The following CNTNAP5 variants were observed in gnomAD, a reference collection of about 807,000 sequenced individuals.
CNTNAP5 encodes contactin associated protein family member 5, also known as contactin-associated protein-like 5.
In CNTNAP5, 72 loss-of-function variants were observed where a neutral mutation model predicts 150.2. The ratio of observed to expected loss-of-function variants is 0.48; its 90% CI spans 0.40 to 0.58. The LOEUF is 0.58. Among genes scored for constraint, CNTNAP5 ranks in the 20% least tolerant of loss-of-function variants. The pLI is 0.00. For synonymous variants in CNTNAP5, 672 were observed against 619.8 expected (o/e 1.08, Z -1.25); for missense variants, 1,636 against 1,626.2 (o/e 1.01, Z -0.10).
intron 1 of CNTNAP5, among the ~76,000 whole-genome samples, chr2:124,184,306 G>T (rs10177126): frequency 0.35 from 52,436 of 151,950 alleles, 9,144 homozygotes; most frequent in East Asian, 0.43. Flanking sequence ...CCCCTCCCCA[G>T]CTTTGGGGTG....
At chr2:124,231,528 G>A (rs376889073) in intron 2 of CNTNAP5, among the ~76,000 whole-genome samples, 1 of 152,070 alleles carries the variant, frequency 6.6e-6, no homozygotes, top group African/African-American at 2.4e-5. Context: ...GACATAATTA[G>A]CTTTCAGGTA....
At chr2:124,872,668 A>G (rs916519259) in intron 21 of CNTNAP5, among the ~76,000 whole-genome samples, 3 of 151,906 alleles carry the variant, frequency 2.0e-5, no homozygotes, top group Non-Finnish European at 4.4e-5. Flanking sequence ...TGTTGTTACT[A>G]TTAATATCAT....
At chr2:124,455,938 A>T in intron 6 of CNTNAP5, among the ~76,000 whole-genome samples, 1 of 152,180 alleles carries the variant, frequency 6.6e-6, no homozygotes, top group South Asian at 2.1e-4. Flanking sequence ...GCCATCTGTG[A>T]CAAGCCCACA....
At chr2:124,892,864 A>G (rs1441641081) in intron 21 of CNTNAP5, among the ~76,000 whole-genome samples, 1 of 152,114 alleles carries the variant, frequency 6.6e-6, no homozygotes, top group Non-Finnish European at 1.5e-5. Context: ...GAAGGCGTTG[A>G]AGACTTTTAA....
chr2:124,567,884 T>TAG (rs1558957661), intron 11 of CNTNAP5, among the ~76,000 whole-genome samples: 12 of 137,240 alleles, frequency 8.7e-5, no homozygotes, highest in African/African-American at 3.2e-4. Context: ...TAGATAGATA[T>TAG]AGATAGATAG....
chr2:124,113,820 GA>G (rs542479817), intron 1 of CNTNAP5, among the ~76,000 whole-genome samples: 181 of 151,806 alleles, frequency 1.2e-3, no homozygotes, highest in African/African-American at 4.2e-3. Flanking sequence ...GGATTATGTG[GA>G]GTAAGGTCAC....
intron 1 of CNTNAP5, among the ~76,000 whole-genome samples, chr2:124,138,498 G>C (rs1684029281): frequency 6.6e-6 from 1 of 152,150 alleles, no homozygotes; most frequent in Non-Finnish European, 1.5e-5. Context: ...ATGTATGTAT[G>C]CCTTTTCATG....
At chr2:124,789,520 C>A (rs934811375) in intron 17 of CNTNAP5, among the ~76,000 whole-genome samples, 7 of 152,238 alleles carry the variant, frequency 4.6e-5, no homozygotes, top group African/African-American at 1.7e-4. Context: ...GCTTAGTACC[C>A]AATAGTTATT....
chr2:124,588,794 A>G (rs1293130563), intron 11 of CNTNAP5, among the ~76,000 whole-genome samples: 1 of 152,014 alleles, frequency 6.6e-6, no homozygotes, highest in Non-Finnish European at 1.5e-5. Context: ...TTAAGAAGAA[A>G]ATGAAGTACA....
At chr2:124,839,933 A>G (rs1682912167) in intron 19 of CNTNAP5, among the ~76,000 whole-genome samples, 1 of 152,142 alleles carries the variant, frequency 6.6e-6, no homozygotes. Context: ...CTCTTTTTCA[A>G]CCTTGCCATA....
intron 17 of CNTNAP5, among the ~76,000 whole-genome samples, chr2:124,784,925 A>G (rs1039319359): frequency 1.2e-4 from 18 of 152,080 alleles, no homozygotes; most frequent in Non-Finnish European, 2.6e-4. Context: ...TTGACAATTT[A>G]ATGAGTTTAG....
At chr2:124,408,715 C>A (rs1355513468) in intron 3 of CNTNAP5, among the ~76,000 whole-genome samples, 1 of 150,526 alleles carries the variant, frequency 6.6e-6, no homozygotes, top group Non-Finnish European at 1.5e-5. Context: ...GAAAGGACAT[C>A]CACACCAAAA....
Position 124,269,449 on chromosome 2 carries a change from G to A in CNTNAP5, c.381+27056G>A, listed in dbSNP as rs555340354. Among the ~76,000 whole-genome samples the A allele has an allele frequency of 3.9e-5, 6 of 152,192 alleles. No homozygotes were observed. In the East Asian group the frequency reaches 5.8e-4, roughly 15 times the overall value. ...CTGCTTATCTGCTAGTAATGCCTGC[G>A]ATAAGATATTCAGGGCTCTGTTGAT... On this transcript the variant is annotated intron_variant, in intron 3 of 23. Transcript: ENST00000682447.
chr2:124,339,941 AC>A (rs1294789327), intron 3 of CNTNAP5, among the ~76,000 whole-genome samples: 1 of 151,976 alleles, frequency 6.6e-6, no homozygotes, highest in Non-Finnish European at 1.5e-5. Context: ...AGTCTGAAAA[AC>A]ATCTTAAAAA....
At chr2:124,242,179 C>G (rs1686903644) in intron 2 of CNTNAP5, 21 bp from the exon 3 acceptor site, 1 of 1,558,332 alleles carries the variant, frequency 6.4e-7, no homozygotes, top group Non-Finnish European at 8.7e-7. Flanking sequence ...CTCTCTCTCA[C>G]TCTCTCTGAT....
intron 10 of CNTNAP5, among the ~76,000 whole-genome samples, chr2:124,530,259 G>A (rs1187762672): frequency 6.6e-6 from 1 of 152,142 alleles, no homozygotes; most frequent in Non-Finnish European, 1.5e-5. Flanking sequence ...GCAATGAGCC[G>A]AGATGGCACC....
chr2:124,487,659 T>C (rs964129509), intron 7 of CNTNAP5, among the ~76,000 whole-genome samples: 4 of 152,048 alleles, frequency 2.6e-5, no homozygotes, highest in African/African-American at 9.7e-5. Flanking sequence ...GCTCATTTCA[T>C]GTGCATGGGC....
At chr2:124,597,475 C>G (rs1471196322) in intron 11 of CNTNAP5, among the ~76,000 whole-genome samples, 3 of 150,178 alleles carry the variant, frequency 2.0e-5, no homozygotes, top group South Asian at 4.3e-4. Flanking sequence ...TTGGCCCCCA[C>G]TCTCTTCTGG....
intron 3 of CNTNAP5, among the ~76,000 whole-genome samples, chr2:124,360,194 TG>T (rs1192463864): frequency 6.6e-6 from 1 of 151,034 alleles, no homozygotes; most frequent in Non-Finnish European, 1.5e-5. Context: ...TGAGCCTATG[TG>T]TGTCTCTGTA....
Sources: gnomAD v4.1 joint callset for allele counts (sites outside exome capture counted in the v4.1 genomes callset) on GRCh38, gnomAD v4.1.1 for gene constraint, MANE v1.5 for transcripts, NCBI Gene and HGNC (gene_info 2026-07-23, HGNC 2026-07-21) for gene names.